CLTC: variants seen among roughly 807,000 people sequenced by gnomAD.
The protein encoded by CLTC is clathrin heavy chain 1.
Under a neutral mutation model 195.8 loss-of-function variants are expected in CLTC, and 16 were observed. That is an observed-to-expected ratio of 0.08 (90% CI 0.06 to 0.12). CLTC has a LOEUF of 0.12. Among genes scored for constraint, CLTC ranks in the 10% least tolerant of loss-of-function variants. The pLI is 1.00. For synonymous variants in CLTC, 667 were observed against 689.4 expected (o/e 0.97, Z 0.51); for missense variants, 796 against 2,027.0 (o/e 0.39, Z 11.66).
chr17:59,636,841 C>T (rs2031873981), intron 1 of CLTC, among the ~76,000 whole-genome samples: 1 of 152,068 alleles, frequency 6.6e-6, no homozygotes. Context: ...TGGCTCACTG[C>T]AGCCTCTGCC....
At chr17:59,680,884 G>C in intron 18 of CLTC, 28 bp from the exon 19 acceptor site, 1 of 1,539,178 alleles carries the variant, frequency 6.5e-7, no homozygotes, top group South Asian at 1.3e-5. Flanking sequence ...TTGATTCTCA[G>C]TACTTATGTC....
Position 59,673,783 on chromosome 17 carries a change from T to C in CLTC, c.2418+11T>C, listed in dbSNP as rs749535005. 13 of 1,073,354 alleles carry C rather than the reference T, an allele frequency of 1.2e-5. No homozygotes were observed. In the East Asian group the frequency reaches 2.8e-4, roughly 23 times the overall value. 66.5% of individuals were successfully genotyped at this position (1,073,354 alleles called of 1,614,324 possible). On this transcript the variant is annotated intron_variant, in intron 15 of 31. Coordinates refer to ENST00000269122, the MANE Select transcript of CLTC (RefSeq NM_004859.4). ...ATATATGTACAGAAGGTAAGTAATA[T>C]GTAGGTAATGTAAAGGTATAATCTT... is the stretch of plus-strand genomic sequence containing the variant.
chr17:59,648,467 C>A lies in CLTC; in HGVS notation c.681+66C>A. 1 of 1,370,566 alleles carries A rather than the reference C, an allele frequency of 7.3e-7. No homozygotes were observed. The highest frequency in any genetic ancestry group is 1.4e-5 in the South Asian group (1 of 69,390). 84.9% of individuals were successfully genotyped at this position (1,370,566 alleles called of 1,614,324 possible). On this transcript the variant is annotated intron_variant, in intron 4 of 31. Transcript: ENST00000269122. This position sits in a 1 kb window ranked among gnomAD's most constrained non-coding sequence, Gnocchi z 4.5. ...ATTTGGCTTTCTGCTATGAATTAGT[C>A]ATCTAATTTCAAAATAGCCTTCTCC...
At chr17:59,621,220 A>T (rs949202838) in intron 1 of CLTC, among the ~76,000 whole-genome samples, 2 of 152,032 alleles carry the variant, frequency 1.3e-5, no homozygotes, top group Admixed American at 6.6e-5. Context: ...ACTGAATTAA[A>T]CCTCTTCAGA....
chr17:59,674,972 TAGAGGTGATAAG>T, intron 16 of CLTC, 129 bp downstream of exon 16: 1 of 884,426 alleles, frequency 1.1e-6, no homozygotes, highest in Admixed American at 2.6e-5. Flanking sequence ...ACACCTAACA[TAGAGGTGATAAG>T]CTAGCTAATA....
Position 59,695,227 on chromosome 17 carries a change from C to G in CLTC, c.*1375C>G, listed in dbSNP as rs1277512666. The G allele has an allele frequency of 5.0e-6, 1 of 199,138 alleles. No homozygotes were observed. The highest frequency in any genetic ancestry group is 1.0e-5 in the Non-Finnish European group (1 of 96,414). The allele number at this position is 199,138 out of a possible 1,614,324, so 12.3% of individuals were successfully genotyped here. On this transcript the variant is annotated 3_prime_UTR_variant, in exon 32 of 32. Transcript: ENST00000269122. ...CTCTTGCTTATGGCTGAGAATGTTC[C>G]TAAAGTTCATTTCACTATCCCTTAA...
chr17:59,619,961 C>A lies in CLTC; in HGVS notation c.-171C>A. The A allele has an allele frequency of 1.6e-6, 1 of 608,278 alleles. No individual in the cohort carries two copies. Among genetic ancestry groups the A allele is most frequent in the South Asian group, 2.0e-5 (1 of 49,392 alleles). The allele number at this position is 608,278 out of a possible 1,614,324, so 37.7% of individuals were successfully genotyped here. On this transcript the variant is annotated 5_prime_UTR_variant, in exon 1 of 32. Transcript: ENST00000269122. ...CGGCTCTCCTGGCCCCTGGAGCCTC[C>A]GCCCCCGACCCGAGCTCTTTCGTCT...
chr17:59,674,918 G>T (rs1598234806), intron 16 of CLTC, 75 bp downstream of exon 16: 1 of 1,394,470 alleles, frequency 7.2e-7, no homozygotes, highest in Non-Finnish European at 9.9e-7. Context: ...GTAGTCATTT[G>T]TTCCAAAGCT....
chr17:59,644,505 C>G lies in CLTC; in HGVS notation c.250+22C>G, dbSNP rs907400492. ...AAAGGTATAAAAGAATGTGGGTTTTCCTTAAAACTCTTCCTATGTTTTTGT... is the reference window on the plus strand; with the variant it reads ...AAAGGTATAAAAGAATGTGGGTTTTGCTTAAAACTCTTCCTATGTTTTTGT... On this transcript the variant is annotated intron_variant, in intron 2 of 31. Transcript: ENST00000269122. 1.3e-6 allele frequency: 2 copies of G among 1,566,048 alleles called. No homozygotes were observed. Among genetic ancestry groups the G allele is most frequent in the Admixed American group, 1.7e-5 (1 of 58,808 alleles).
intron 1 of CLTC, among the ~76,000 whole-genome samples, chr17:59,638,362 G>C (rs1341280262): frequency 1.3e-5 from 2 of 152,028 alleles, no homozygotes; most frequent in African/African-American, 4.8e-5. Context: ...GGCAATATCT[G>C]TTGAGCTGTT....
Position 59,660,421 on chromosome 17 carries a change from A to G in CLTC, c.1000A>G (p.Ile334Val), listed in dbSNP as rs2032582102. Residue 334 changes from isoleucine to valine, a missense_variant, in exon 7 of 32, where the codon ATA (isoleucine) becomes GTA (valine). Physicochemically the swap from Ile to Val is conservative, Grantham distance 29 (BLOSUM62 3). This residue lies in a region of CLTC where 293 missense variants were observed against 795.6 expected (regional missense o/e 0.37). Transcript: ENST00000269122. ...GTCAGTGTGTGTGGAAGAAGAAAACATAATTCCTTACATCACCAATGTTCT... is the reference window on the plus strand; with the variant it reads ...GTCAGTGTGTGTGGAAGAAGAAAACGTAATTCCTTACATCACCAATGTTCT... ...VLSVCVEEEN[I>V]IPYITNVLQN... is the part of the protein sequence containing the mutation. 1.9e-6 allele frequency: 3 copies of G among 1,614,150 alleles called. No homozygotes were observed. Among genetic ancestry groups the G allele is most frequent in the Non-Finnish European group, 2.5e-6 (3 of 1,179,990 alleles).
intron 31 of CLTC, among the ~76,000 whole-genome samples, chr17:59,692,100 T>C (rs956717353): frequency 5.3e-5 from 8 of 152,136 alleles, no homozygotes; most frequent in African/African-American, 1.9e-4. Flanking sequence ...GGGCGGATCA[T>C]GAGGTCAGGA....
chr17:59,624,715 C>T (rs1019834303), intron 1 of CLTC, among the ~76,000 whole-genome samples: 3 of 152,032 alleles, frequency 2.0e-5, no homozygotes, highest in African/African-American at 7.2e-5. Context: ...ATGATCTGCC[C>T]ACCTCGACCT....
chr17:59,663,771 G>T, intron 8 of CLTC, 71 bp from the exon 9 acceptor site: 1 of 1,292,352 alleles, frequency 7.7e-7, no homozygotes, highest in South Asian at 1.4e-5. Context: ...ACTTATAGTG[G>T]ACATAGTGTC....
rs772737358 is a variant in CLTC, at chr17:59,681,478, G to GGT, written c.3249+1_3249+2dup. 9.3e-6 allele frequency: 15 copies of GGT among 1,613,596 alleles called. No homozygotes were observed. The highest frequency in any genetic ancestry group is 1.6e-4 in the Middle Eastern group (1 of 6,084). On this transcript the variant is annotated frameshift_variant and splice_region_variant. Coordinates refer to ENST00000269122, the MANE Select transcript of CLTC (RefSeq NM_004859.4). LOFTEE classifies it high-confidence loss of function. This position sits in a 1 kb window ranked among gnomAD's most constrained non-coding sequence, Gnocchi z 5.0. ...TTGATGTCAATACTTCAGCAGTTCAGGTAAATCTTCAGATTACCTAAGTTG... is the reference window on the plus strand; with the variant it reads ...TTGATGTCAATACTTCAGCAGTTCAGGTGTAAATCTTCAGATTACCTAAGTTG...
intron 30 of CLTC, among the ~76,000 whole-genome samples, chr17:59,686,330 C>T (rs1017400797): frequency 2.0e-5 from 3 of 147,690 alleles, no homozygotes; most frequent in Admixed American, 6.8e-5. Flanking sequence ...GTCTAATTGC[C>T]TTATAACATT....
At chr17:59,668,700 TTTTTAA>T (rs2032784146) in intron 13 of CLTC, 71 bp from the exon 14 acceptor site, 6 of 1,296,692 alleles carry the variant, frequency 4.6e-6, no homozygotes, top group Non-Finnish European at 5.2e-6. Flanking sequence ...ATATAACAGT[TTTTTAA>T]TTACATAAAT....
intron 6 of CLTC, among the ~76,000 whole-genome samples, chr17:59,658,464 A>G (rs962126873): frequency 1.3e-5 from 2 of 152,132 alleles, no homozygotes; most frequent in African/African-American, 2.4e-5. Context: ...CTTCCTCCCA[A>G]ATTTTATGTG....
At chr17:59,658,520 G>A (rs2032530845) in intron 6 of CLTC, 1 of 152,166 alleles carries the variant, frequency 6.6e-6, no homozygotes. Flanking sequence ...TAACCTTAGG[G>A]CTTTCTTCTA....
Sources: gnomAD v4.1 joint callset for allele counts (sites outside exome capture counted in the v4.1 genomes callset) on GRCh38, gnomAD v4.1.1 for gene constraint, gnomAD v4.1.1 regional missense constraint, Gnocchi (gnomAD v3.1) non-coding constraint, MANE v1.5 for transcripts, NCBI Gene and HGNC (gene_info 2026-07-23, HGNC 2026-07-21) for gene names.